The following RAD51B variants were observed in gnomAD, a reference collection of about 807,000 sequenced individuals.
The protein encoded by RAD51B is DNA repair protein RAD51 homolog 2.
A neutral mutation model predicts 42.2 loss-of-function variants in RAD51B; 38 were observed. The observed-to-expected ratio is 0.90, with a 90% CI of 0.70 to 1.18. The LOEUF (loss-of-function observed/expected upper bound fraction) is 1.18. Among genes scored for constraint, RAD51B ranks in the 50% most tolerant of loss-of-function variants. RAD51B has a pLI of 0.00. For missense variants in RAD51B, 373 were observed against 400.7 expected (o/e 0.93, Z 0.59); for synonymous variants, 154 against 145.2 (o/e 1.06, Z -0.43).
At chr14:68,507,269 C>T (rs1022524198) in intron 10 of RAD51B, among the ~76,000 whole-genome samples, 2 of 152,192 alleles carry the variant, frequency 1.3e-5, no homozygotes, top group Admixed American at 6.5e-5. Context: ...GGGCCAGTGG[C>T]AGCTCGGGTG....
chr14:68,047,828 C>T (rs182973432), intron 7 of RAD51B, among the ~76,000 whole-genome samples: 238 of 152,180 alleles, frequency 1.6e-3, no homozygotes, highest in African/African-American at 5.4e-3. Context: ...GAAAGCTAGA[C>T]GTTTTTCATG....
chr14:68,565,255 G>T lies in RAD51B; in HGVS notation c.1037-29230G>T, dbSNP rs1594978787. Among the ~76,000 whole-genome samples the T allele has an allele frequency of 6.6e-6, 1 of 152,244 alleles. No individual in the cohort carries two copies. The highest frequency in any genetic ancestry group is 2.1e-4 in the South Asian group (1 of 4,826). ...AACCGCAGCAGGCTCAGCTGTGAGG[G>T]TGTGGACAGGGAGGCAGACAGGATG... On this transcript the variant is annotated intron_variant, in intron 10 of 10. Transcript: ENST00000487270. This position sits in a 1 kb window ranked among gnomAD's most constrained non-coding sequence, Gnocchi z 4.1.
chr14:68,352,017 G>C (rs1372949431), intron 8 of RAD51B, among the ~76,000 whole-genome samples: 3 of 152,140 alleles, frequency 2.0e-5, no homozygotes, highest in Non-Finnish European at 4.4e-5. Flanking sequence ...AATGAGCTTG[G>C]CCTTGGCAAC....
At chr14:68,159,773 C>G (rs2078597859) in intron 7 of RAD51B, among the ~76,000 whole-genome samples, 1 of 152,126 alleles carries the variant, frequency 6.6e-6, no homozygotes, top group Non-Finnish European at 1.5e-5. Flanking sequence ...ATATATTACA[C>G]TTTTTTCTTA....
intron 7 of RAD51B, among the ~76,000 whole-genome samples, chr14:67,915,683 A>G (rs2044127451): frequency 1.3e-5 from 2 of 152,228 alleles, no homozygotes; most frequent in Admixed American, 6.5e-5. Flanking sequence ...TCATTCTTAT[A>G]TAAGAGTTGG....
chr14:68,261,888 A>G (rs1256759105), intron 7 of RAD51B, among the ~76,000 whole-genome samples: 1 of 152,158 alleles, frequency 6.6e-6, no homozygotes, highest in South Asian at 2.1e-4. Context: ...ACAGAGGAGC[A>G]AGGAAATCTG....
At chr14:68,562,964 T>A in intron 10 of RAD51B, 2 of 985,430 alleles carry the variant, frequency 2.0e-6, no homozygotes, top group Non-Finnish European at 2.4e-6. Context: ...AATAGTGTGC[T>A]CCACGGAAGG....
At chr14:68,517,242 A>AG (rs1886226121) in intron 10 of RAD51B, among the ~76,000 whole-genome samples, 1 of 151,140 alleles carries the variant, frequency 6.6e-6, no homozygotes, top group Non-Finnish European at 1.5e-5. Context: ...AGGAAAGGAA[A>AG]GGGAAGGGGA....
chr14:68,410,306 G>GA (rs1044359498), intron 8 of RAD51B, among the ~76,000 whole-genome samples: 8 of 150,640 alleles, frequency 5.3e-5, no homozygotes, highest in African/African-American at 1.7e-4. Flanking sequence ...GTCTGCCCTG[G>GA]AAAAAAAAAG....
At chr14:68,065,559 G>A (rs73284287) in intron 7 of RAD51B, among the ~76,000 whole-genome samples, 3,707 of 152,202 alleles carry the variant, frequency 0.024, 147 homozygotes, top group African/African-American at 0.084. Flanking sequence ...GATGCTGCTC[G>A]CCTAGGGGTG....
intron 7 of RAD51B, among the ~76,000 whole-genome samples, chr14:68,081,142 T>C (rs963775527): frequency 2.0e-5 from 3 of 152,224 alleles, no homozygotes; most frequent in African/African-American, 7.2e-5. Flanking sequence ...GATATGGCTC[T>C]CAAATAATTA....
intron 8 of RAD51B, among the ~76,000 whole-genome samples, chr14:68,372,372 G>C (rs757545953): frequency 6.6e-6 from 1 of 152,090 alleles, no homozygotes; most frequent in Non-Finnish European, 1.5e-5. Flanking sequence ...TTTAAGGTGG[G>C]TGTTTTTTAT....
intron 7 of RAD51B, among the ~76,000 whole-genome samples, chr14:68,063,609 G>A (rs1233263686): frequency 1.3e-5 from 2 of 152,186 alleles, no homozygotes; most frequent in African/African-American, 2.4e-5. Context: ...GGTGATACAC[G>A]CCTGTGGTCC....
At chr14:68,478,674 G>C (rs1237873206), downstream of RAD51B, among the ~76,000 whole-genome samples, 1 of 152,224 alleles carries the variant, frequency 6.6e-6, no homozygotes, top group Non-Finnish European at 1.5e-5. Context: ...GCTGTCCTCT[G>C]TAGAATCACT....
chr14:68,524,214 G>T (rs192078297), intron 10 of RAD51B, among the ~76,000 whole-genome samples: 137 of 152,224 alleles, frequency 9.0e-4, no homozygotes, highest in Non-Finnish European at 1.5e-3. Context: ...GCTCCTGACC[G>T]ACCGACAGAG....
chr14:68,279,777 T>C (rs975291129), intron 7 of RAD51B, among the ~76,000 whole-genome samples: 1 of 152,236 alleles, frequency 6.6e-6, no homozygotes. Flanking sequence ...TTTCTTAAAC[T>C]AAAGACCTTT....
intron 7 of RAD51B, among the ~76,000 whole-genome samples, chr14:68,102,219 A>G (rs1017041494): frequency 6.6e-6 from 1 of 152,196 alleles, no homozygotes; most frequent in Non-Finnish European, 1.5e-5. Context: ...GGCTGCCATG[A>G]AGACCTCTGA....
intron 9 of RAD51B, among the ~76,000 whole-genome samples, chr14:68,451,979 A>G (rs2085567627): frequency 6.6e-6 from 1 of 152,210 alleles, no homozygotes; most frequent in Admixed American, 6.5e-5. Flanking sequence ...TTTTTACTAT[A>G]GTAATCACAC....
downstream of RAD51B, chr14:68,596,005 AG>A: frequency 9.8e-7 from 1 of 1,016,214 alleles, no homozygotes; most frequent in Non-Finnish European, 1.2e-6. Context: ...TCCCAAAATC[AG>A]GGGAAAAATA....
Sources: allele counts gnomAD v4.1 joint callset (sites outside exome capture counted in the v4.1 genomes callset), GRCh38; gene constraint gnomAD v4.1.1; non-coding constraint Gnocchi (gnomAD v3.1); transcripts MANE v1.5; gene names NCBI Gene and HGNC (gene_info 2026-07-23, HGNC 2026-07-21).